Variants in LIMA1 observed in about 807,000 individuals in gnomAD.
LIMA1 encodes LIM domain and actin binding 1.
A neutral mutation model predicts 62.6 loss-of-function variants in LIMA1; 52 were observed. The ratio of observed to expected loss-of-function variants is 0.83; its 90% CI spans 0.67 to 1.05. The LOEUF is 1.05. Ranked by LOEUF, LIMA1 falls within the 50% of genes least tolerant of loss-of-function variation. The pLI, the probability that LIMA1 is intolerant of heterozygous loss-of-function variation, is 0.00. For missense variants in LIMA1, 780 were observed against 902.2 expected, an observed-to-expected ratio of 0.86 and a Z score of 1.74; for synonymous variants, 302 against 317.8, an observed-to-expected ratio of 0.95 and a Z score of 0.53.
intron 4 of LIMA1, among the ~76,000 whole-genome samples, chr12:50,210,266 T>C (rs1480855753): frequency 6.6e-6 from 1 of 151,182 alleles, no homozygotes. Flanking sequence ...CTACTAAAAA[T>C]ACAAAAATTA....
In LIMA1 at chr12:50,199,583, A is replaced by G. The variant is rs769765374; in HGVS notation, c.972+1194T>C. ...CTCACAGCACCTATCATACATTTTT[A>G]TGATAGCTGACCTCTTATTAATCTC... On this transcript the variant is annotated intron_variant, in intron 7 of 10. Transcript: ENST00000341247. Among the ~76,000 whole-genome samples the G allele has an allele frequency of 4.6e-5, 7 of 152,188 alleles. No homozygotes were observed. In the South Asian group the frequency reaches 6.2e-4, roughly 14 times the overall value.
chr12:50,279,096 C>G (rs961448206), intron 1 of LIMA1, among the ~76,000 whole-genome samples: 9 of 151,060 alleles, frequency 6.0e-5, no homozygotes, highest in African/African-American at 2.2e-4. Flanking sequence ...ACCTCTGCCT[C>G]CTGGGTTCAA....
intron 2 of LIMA1, among the ~76,000 whole-genome samples, chr12:50,233,635 T>C (rs1031724154): frequency 3.3e-5 from 5 of 152,186 alleles, no homozygotes; most frequent in African/African-American, 1.2e-4. Context: ...AGCATTCTCC[T>C]ACCCCAGCCT....
At chr12:50,243,948 T>G (rs1203346677) in intron 2 of LIMA1, among the ~76,000 whole-genome samples, 2 of 151,954 alleles carry the variant, frequency 1.3e-5, no homozygotes, top group Non-Finnish European at 1.5e-5. Flanking sequence ...GGAGTCTCAC[T>G]CTGTTGCCCA....
At chr12:50,187,286 G>GA (rs1940652689) in intron 9 of LIMA1, 1 of 152,158 alleles carries the variant, frequency 6.6e-6, no homozygotes, top group Admixed American at 6.5e-5. Context: ...AACAGACATT[G>GA]ATGTTAACTA....
intron 4 of LIMA1, chr12:50,217,733 G>A (rs1941368935): frequency 3.2e-6 from 1 of 309,478 alleles, no homozygotes; most frequent in Non-Finnish European, 6.3e-6. Flanking sequence ...ATCCTTGTGG[G>A]CTTCATGACC....
intron 1 of LIMA1, among the ~76,000 whole-genome samples, chr12:50,260,375 C>T (rs1005207284): frequency 2.0e-5 from 3 of 152,154 alleles, no homozygotes; most frequent in African/African-American, 7.2e-5. Flanking sequence ...TCTCGAACTC[C>T]TGACCTCTAG....
chr12:50,263,861 A>ATATATATATATATAAAG (rs1565863084), intron 1 of LIMA1, among the ~76,000 whole-genome samples: 3 of 125,784 alleles, frequency 2.4e-5, no homozygotes, highest in African/African-American at 9.7e-5. Flanking sequence ...TAGAGAGTAT[A>ATATATATATATATAAAG]TATATATATA....
At chr12:50,255,607 GGAAA>G (rs1257898694) in intron 1 of LIMA1, among the ~76,000 whole-genome samples, 2 of 146,462 alleles carry the variant, frequency 1.4e-5, no homozygotes, top group Non-Finnish European at 3.0e-5. Context: ...AGAAAAGAAA[GGAAA>G]GAAAGAAAAG....
intron 10 of LIMA1, among the ~76,000 whole-genome samples, chr12:50,180,644 AC>A (rs1940477610): frequency 6.6e-6 from 1 of 152,154 alleles, no homozygotes; most frequent in Admixed American, 6.5e-5. Context: ...TGAGGAGTTG[AC>A]AGGAGGTAGT....
Position 50,192,579 on chromosome 12 carries a change from G to C in LIMA1, c.1031-18C>G. 1.3e-6 allele frequency: 2 copies of C among 1,572,484 alleles called. No individual in the cohort carries two copies. The highest frequency in any genetic ancestry group is 1.8e-6 in the Non-Finnish European group (2 of 1,142,184). On this transcript the variant is annotated intron_variant, in intron 8 of 10. Coordinates refer to ENST00000341247, the MANE Select transcript of LIMA1 (RefSeq NM_016357.5). ...GGAGTCACCTGCTTGAGTTACAAAA[G>C]GAAGACATTTTACAGTATCTCATGG...
intron 3 of LIMA1, among the ~76,000 whole-genome samples, chr12:50,224,895 C>CTT (rs1565848543): frequency 3.5e-5 from 5 of 142,702 alleles, no homozygotes; most frequent in Admixed American, 7.0e-5. Flanking sequence ...GCATGCCTGG[C>CTT]ATTTTTTTTT....
chr12:50,177,012 A>G lies in LIMA1; in HGVS notation c.*52T>C, dbSNP rs1940351150. 7.2e-7 allele frequency: 1 copy of G among 1,381,894 alleles called. No homozygotes were observed. Among genetic ancestry groups the G allele is most frequent in the African/African-American group, 1.5e-5 (1 of 68,804 alleles). 85.6% of individuals were successfully genotyped at this position (1,381,894 alleles called of 1,614,324 possible). ...TGTGCATCACATTTTGACAAAGGGC[A>G]GTGGCTCGCTAACACTAACATGAAT... On this transcript the variant is annotated 3_prime_UTR_variant, in exon 11 of 11. Transcript: ENST00000341247.
At chr12:50,219,558 A>G (rs968964504) in intron 4 of LIMA1, 1 of 152,222 alleles carries the variant, frequency 6.6e-6, no homozygotes, top group Admixed American at 6.5e-5. Flanking sequence ...ATTTACAAAC[A>G]GCAATAAAAC....
chr12:50,251,381 G>A (rs929347914), intron 1 of LIMA1, among the ~76,000 whole-genome samples: 1 of 152,132 alleles, frequency 6.6e-6, no homozygotes, highest in Admixed American at 6.5e-5. Flanking sequence ...AGCACTTTGG[G>A]AGGCCGAGGC....
At chr12:50,240,814 T>C (rs1941767493) in intron 2 of LIMA1, among the ~76,000 whole-genome samples, 1 of 152,182 alleles carries the variant, frequency 6.6e-6, no homozygotes, top group Admixed American at 6.6e-5. Flanking sequence ...AGATGACATC[T>C]GCAAGCAGTG....
At chr12:50,273,969 T>C (rs181270471) in intron 1 of LIMA1, among the ~76,000 whole-genome samples, 4 of 152,272 alleles carry the variant, frequency 2.6e-5, no homozygotes, top group Non-Finnish European at 5.9e-5. Flanking sequence ...GCTATAGTGG[T>C]AGGAAAATAG....
In LIMA1 at chr12:50,192,527, A is replaced by C. The variant is rs1940800984; in HGVS notation, c.1065T>G (p.Pro355=). 1 of 1,614,042 alleles carries C rather than the reference A, an allele frequency of 6.2e-7. No homozygotes were observed. Among genetic ancestry groups the C allele is most frequent in the Admixed American group, 1.7e-5 (1 of 60,004 alleles). The change falls in exon 9 of 11, where the codon CCT becomes CCG. Residue 355 remains proline, a synonymous_variant. Coordinates refer to ENST00000341247, the MANE Select transcript of LIMA1 (RefSeq NM_016357.5). ...DSQVKSEVQQ[P]VHPKPLSPDS... is the part of the protein sequence containing the mutation. ...CTGGACTTAGTGGCTTGGGATGGAC[A>C]GGCTGTTGAACCTCACTCTTAACCT...
At chr12:50,193,102 A>G (rs1285433253) in intron 8 of LIMA1, among the ~76,000 whole-genome samples, 2 of 152,184 alleles carry the variant, frequency 1.3e-5, no homozygotes, top group African/African-American at 2.4e-5. Flanking sequence ...AAAGGGCTCC[A>G]TGAAGTTTTT....
Sources: allele counts gnomAD v4.1 joint callset (sites outside exome capture counted in the v4.1 genomes callset), GRCh38; gene constraint gnomAD v4.1.1; transcripts MANE v1.5; gene names NCBI Gene and HGNC (gene_info 2026-07-23, HGNC 2026-07-21).